The following SLC52A3 variants were observed in gnomAD, a reference collection of about 807,000 sequenced individuals.
SLC52A3 encodes solute carrier family 52 member 3.
Under a neutral mutation model 29.5 loss-of-function variants are expected in SLC52A3, and 20 were observed. The ratio of observed to expected loss-of-function variants is 0.68; its 90% CI spans 0.48 to 0.99. The LOEUF is 0.99. Ranked by LOEUF, SLC52A3 falls within the 50% of genes least tolerant of loss-of-function variation. The probability of loss-of-function intolerance (pLI) is 0.00; values close to 1 mark genes in which losing one functional copy is unlikely to be tolerated. For missense variants in SLC52A3, 548 were observed against 612.9 expected (o/e 0.89, Z 1.12); for synonymous variants, 301 against 271.0 (o/e 1.11, Z -1.09).
At chr20:770,971 G>A (rs1986827227), upstream of SLC52A3, among the ~76,000 whole-genome samples, 1 of 152,202 alleles carries the variant, frequency 6.6e-6, no homozygotes, top group African/African-American at 2.4e-5. This position sits in a 1 kb window ranked among gnomAD's most constrained non-coding sequence, Gnocchi z 4.5. Flanking sequence ...GGGGTTAGAT[G>A]CATACTAGGC....
intron 1 of SLC52A3, 182 bp from the exon 2 acceptor site, chr20:766,007 G>A (rs1236999491): frequency 1.4e-5 from 8 of 558,680 alleles, no homozygotes; most frequent in South Asian, 4.2e-5. Flanking sequence ...GGATGATCTC[G>A]GCTCAGTGAC....
intron 1 of SLC52A3, chr20:766,308 G>A (rs2024896): frequency 0.82 from 127,391 of 154,926 alleles, 53,514 homozygotes; most frequent in East Asian, 0.92. Context: ...AGTTCAATCC[G>A]ACACACAAAA....
rs1986404211 is a variant in SLC52A3 at position 760,083 on chromosome 20, AAGC to A, written c.*940_*942del. ...CCTTTGAAGGAAGATCTGAGTGTAA[AAGC>A]AGGGAATGCCTTTATTTAAAAAAAT... is the stretch of plus-strand genomic sequence containing the variant. On this transcript the variant is annotated 3_prime_UTR_variant, in exon 5 of 5. Coordinates refer to ENST00000645534, the MANE Select transcript of SLC52A3 (RefSeq NM_033409.4). This position sits in a 1 kb window ranked among gnomAD's most constrained non-coding sequence, Gnocchi z 4.9. 1 of 152,156 alleles carries A rather than the reference AAGC, an allele frequency of 6.6e-6. No homozygotes were observed. Among genetic ancestry groups the A allele is most frequent in the Non-Finnish European group, 1.5e-5 (1 of 68,044 alleles). 9.4% of individuals were successfully genotyped at this position (152,156 alleles called of 1,614,324 possible). A position where few individuals can be genotyped will look rare whatever the true frequency, so the allele number is the denominator to read the frequency against.
upstream of SLC52A3, among the ~76,000 whole-genome samples, chr20:771,236 G>A (rs1211244546): frequency 6.6e-6 from 1 of 152,124 alleles, no homozygotes; most frequent in Non-Finnish European, 1.5e-5. Context: ...CCTCCAACTG[G>A]TCAACATGGT....
chr20:771,080 A>C (rs780444423), upstream of SLC52A3, among the ~76,000 whole-genome samples: 40 of 152,344 alleles, frequency 2.6e-4, no homozygotes, highest in Non-Finnish European at 5.6e-4. Context: ...TAAATTGTAA[A>C]AGAAACTTCT....
chr20:774,803 A>G (rs900514831), intron 1 of SLC52A3, among the ~76,000 whole-genome samples: 22 of 152,136 alleles, frequency 1.4e-4, no homozygotes, highest in Non-Finnish European at 2.6e-4. Context: ...AGGTGGGGAA[A>G]CCAAGGCCCA....
upstream of SLC52A3, among the ~76,000 whole-genome samples, chr20:773,255 G>A (rs1191622118): frequency 6.6e-6 from 1 of 152,190 alleles, no homozygotes; most frequent in Non-Finnish European, 1.5e-5. Context: ...GACAACCATA[G>A]CTGCCACTCC....
chr20:777,982 G>T (rs1227864519), upstream of SLC52A3, among the ~76,000 whole-genome samples: 1 of 151,836 alleles, frequency 6.6e-6, no homozygotes, highest in East Asian at 1.9e-4. Flanking sequence ...CAGGAAAAAG[G>T]CTGCTCCAGA....
upstream of SLC52A3, among the ~76,000 whole-genome samples, chr20:777,265 C>CA (rs1203227866): frequency 7.2e-4 from 18 of 24,886 alleles, no homozygotes; most frequent in Non-Finnish European, 1.7e-3. Flanking sequence ...AACAAACAAA[C>CA]AAAAAACAAA....
rs373350870 is a variant in SLC52A3, at chr20:763,680, C to G, written c.891G>C (p.Pro297=). The change falls in exon 3 of 5, where the codon CCG becomes CCC. Residue 297 remains proline (P), a synonymous_variant. Transcript: ENST00000645534. ...YLEEKAAPCC[P]AHLAFIYTLV... is the part of the protein sequence containing the mutation. ...GGGTATAGATGAAGGCCAGGTGCGCCGGGCAGCAGGGGGCTGCTTTCTCCT... is the reference window on the plus strand; with the variant it reads ...GGGTATAGATGAAGGCCAGGTGCGCGGGGCAGCAGGGGGCTGCTTTCTCCT... 5 of 1,614,152 alleles carry G rather than the reference C, an allele frequency of 3.1e-6. No homozygotes were observed. Among genetic ancestry groups the G allele is most frequent in the Non-Finnish European group, 4.2e-6 (5 of 1,180,016 alleles).
Position 760,444 on chromosome 20 carries a change from G to A in SLC52A3, c.*582C>T, listed in dbSNP as rs991440744. ...CTTGTAGAAGCCCCTCTGTGAGACTGAGGGGCAAAGGAGAGAGGGCAGGGG... is the reference window on the plus strand; with the variant it reads ...CTTGTAGAAGCCCCTCTGTGAGACTAAGGGGCAAAGGAGAGAGGGCAGGGG... On this transcript the variant is annotated 3_prime_UTR_variant, in exon 5 of 5. Coordinates refer to ENST00000645534, the MANE Select transcript of SLC52A3 (RefSeq NM_033409.4). This position sits in a 1 kb window ranked among gnomAD's most constrained non-coding sequence, Gnocchi z 4.9. 3 of 152,878 alleles carry A rather than the reference G, an allele frequency of 2.0e-5. No individual in the cohort carries two copies. The highest frequency in any genetic ancestry group is 6.5e-5 in the Admixed American group (1 of 15,392). The allele number at this position is 152,878 out of a possible 1,614,324, so 9.5% of individuals were successfully genotyped here. A position where few individuals can be genotyped will look rare whatever the true frequency, so the allele number is the denominator to read the frequency against.
upstream of SLC52A3, among the ~76,000 whole-genome samples, chr20:777,012 G>T (rs1012461980): frequency 6.6e-6 from 1 of 152,064 alleles, no homozygotes; most frequent in Non-Finnish European, 1.5e-5. Context: ...GAGGCGGGTG[G>T]ATTACCTGAG....
At chr20:761,919 A>G (rs1986504083) in intron 3 of SLC52A3, 95 bp from the exon 4 acceptor site, 1 of 1,571,620 alleles carries the variant, frequency 6.4e-7, no homozygotes, top group South Asian at 1.1e-5. Flanking sequence ...GTGTCTCCAT[A>G]GTTAGTTTAG....
chr20:763,540 G>A lies in SLC52A3; in HGVS notation c.1031C>T (p.Ala344Val). Reference protein sequence around the residue: ...YHLAATLSIVANPLASLVSMF... With the variant: ...YHLAATLSIVVNPLASLVSMF... ...GGAGACCAACGAGGCAAGAGGGTTG[G>A]CCACAATGCTGAGGGTGGCAGCCAG... Residue 344 changes from alanine (A) to valine (V), a missense_variant, in exon 3 of 5, where the codon GCC (alanine) becomes GTC (valine). Ala to Val is a moderately conservative substitution (Grantham distance 64, BLOSUM62 0). Coordinates refer to ENST00000645534, the MANE Select transcript of SLC52A3 (RefSeq NM_033409.4). The A allele has an allele frequency of 6.2e-7, 1 of 1,614,148 alleles. No homozygotes were observed. Among genetic ancestry groups the A allele is most frequent in the Middle Eastern group, 1.6e-4 (1 of 6,062 alleles).
chr20:761,710 T>C lies in SLC52A3; in HGVS notation c.1188A>G (p.Glu396=). The C allele has an allele frequency of 6.2e-7, 1 of 1,613,910 alleles. No individual in the cohort carries two copies. Among genetic ancestry groups the C allele is most frequent in the Non-Finnish European group, 8.5e-7 (1 of 1,179,968 alleles). ...CPLLQGHWGG[E]VLIVASWVLF... is the part of the protein sequence containing the mutation. ...CCGGCCGGATACTCACAATGAGGAC[T>C]TCCCCACCCCAGTGGCCCTGCAAGA... The change falls in exon 4 of 5, where the codon GAA becomes GAG. Residue 396 remains glutamate, a synonymous_variant. Coordinates refer to ENST00000645534, the MANE Select transcript of SLC52A3 (RefSeq NM_033409.4).
intron 1 of SLC52A3, among the ~76,000 whole-genome samples, chr20:767,781 A>T (rs909325987): frequency 6.6e-6 from 1 of 151,936 alleles, no homozygotes; most frequent in African/African-American, 2.4e-5. Flanking sequence ...AAATTATATC[A>T]CTCTCTACGT....
upstream of SLC52A3, among the ~76,000 whole-genome samples, chr20:778,414 A>G (rs1987127655): frequency 1.3e-5 from 2 of 152,168 alleles, no homozygotes; most frequent in Admixed American, 1.3e-4. Context: ...AATCCCCCAA[A>G]GCCCTAAGAC....
At chr20:779,481 G>A (rs1016416134), upstream of SLC52A3, among the ~76,000 whole-genome samples, 3 of 152,132 alleles carry the variant, frequency 2.0e-5, no homozygotes, top group Non-Finnish European at 2.9e-5. Flanking sequence ...AAATTGGCTG[G>A]GCATGGTGGT....
intron 1 of SLC52A3, among the ~76,000 whole-genome samples, chr20:773,938 C>G (rs981145499): frequency 6.6e-6 from 1 of 152,164 alleles, no homozygotes; most frequent in Non-Finnish European, 1.5e-5. Context: ...CCCCCGCCCC[C>G]CTCCACATTC....
Sources: allele counts gnomAD v4.1 joint callset (sites outside exome capture counted in the v4.1 genomes callset), GRCh38; gene constraint gnomAD v4.1.1; non-coding constraint Gnocchi (gnomAD v3.1); transcripts MANE v1.5; gene names NCBI Gene and HGNC (gene_info 2026-07-23, HGNC 2026-07-21).